CNOT6: variants seen among roughly 807,000 people sequenced by gnomAD.
CNOT6 encodes the protein CCR4-NOT transcription complex subunit 6.
A neutral mutation model predicts 61.2 loss-of-function variants in CNOT6; 12 were observed. The observed-to-expected ratio is 0.20, with a 90% CI of 0.13 to 0.32. The LOEUF (loss-of-function observed/expected upper bound fraction) is 0.32, where lower values mean the gene tolerates loss of function less well. CNOT6 is among the 10% of genes least tolerant of loss of function. CNOT6 has a pLI of 1.00. For synonymous variants in CNOT6, 225 were observed against 240.6 expected, an observed-to-expected ratio of 0.94 and a Z score of 0.60; for missense variants, 405 against 663.9, an observed-to-expected ratio of 0.61 and a Z score of 4.28.
At chr5:180,530,849 ACACAG>A in intron 2 of CNOT6, among the ~76,000 whole-genome samples, 1 of 152,300 alleles carries the variant, frequency 6.6e-6, no homozygotes, top group East Asian at 1.9e-4. Context: ...CCCTGAGTGG[ACACAG>A]CACATGTTTC....
intron 1 of CNOT6, among the ~76,000 whole-genome samples, 172 bp downstream of exon 1, chr5:180,494,935 G>A (rs6866977): frequency 0.75 from 114,013 of 151,738 alleles, 43,460 homozygotes; most frequent in African/African-American, 0.83. Flanking sequence ...CGCCGCGATC[G>A]CGCCCCGCCC....
intron 2 of CNOT6, chr5:180,534,350 G>C: frequency 5.5e-6 from 1 of 181,700 alleles, no homozygotes; most frequent in Non-Finnish European, 1.2e-5. Context: ...CAACATTGTC[G>C]ATAATGGAGG....
intron 4 of CNOT6, among the ~76,000 whole-genome samples, chr5:180,557,296 A>G (rs373354264): frequency 1.3e-5 from 2 of 152,150 alleles, no homozygotes; most frequent in East Asian, 1.9e-4. Context: ...TGAGGGTTGT[A>G]TATTTAATTT....
chr5:180,576,939 G>A lies in CNOT6; in HGVS notation c.*2739G>A, dbSNP rs1383845099. On this transcript the variant is annotated 3_prime_UTR_variant, in exon 12 of 12. Coordinates refer to ENST00000261951, the MANE Select transcript of CNOT6 (RefSeq NM_001370472.1). ...AGAAATGTCTTACAAAAAGTTTAGG[G>A]CATGTTTTCTGTTTTAAAGACCAGA... 1 of 152,060 alleles carries A rather than the reference G, an allele frequency of 6.6e-6. No individual in the cohort carries two copies. Among genetic ancestry groups the A allele is most frequent in the Non-Finnish European group, 1.5e-5 (1 of 68,006 alleles). 9.4% of individuals were successfully genotyped at this position (152,060 alleles called of 1,614,324 possible). A position where few individuals can be genotyped will look rare whatever the true frequency, so the allele number is the denominator to read the frequency against.
At chr5:180,504,038 A>C (rs1028710644) in intron 1 of CNOT6, among the ~76,000 whole-genome samples, 3 of 152,234 alleles carry the variant, frequency 2.0e-5, no homozygotes, top group Non-Finnish European at 4.4e-5. Flanking sequence ...TCATGTTGAC[A>C]TAATAGTACT....
chr5:180,535,988 GTTTTTTTTTTTTT>G (rs756489493), intron 2 of CNOT6, among the ~76,000 whole-genome samples: 9 of 62,496 alleles, frequency 1.4e-4, no homozygotes, highest in African/African-American at 4.8e-4. Flanking sequence ...ACTTATTAGG[GTTTTTTTTTTTTT>G]TTTTTTTTTT....
chr5:180,550,694 A>C (rs539244823), intron 3 of CNOT6, among the ~76,000 whole-genome samples: 25 of 152,266 alleles, frequency 1.6e-4, no homozygotes, highest in African/African-American at 6.0e-4. Context: ...GTAGACTGCA[A>C]GGTGCTTATG....
intron 2 of CNOT6, among the ~76,000 whole-genome samples, chr5:180,542,830 A>G (rs1357170708): frequency 1.3e-5 from 2 of 152,130 alleles, no homozygotes; most frequent in Non-Finnish European, 1.5e-5. Context: ...AAGTAAATGC[A>G]AGTTTTTGGG....
intron 1 of CNOT6, among the ~76,000 whole-genome samples, chr5:180,506,542 T>TGCCC (rs1757137715): frequency 6.6e-6 from 1 of 152,212 alleles, no homozygotes; most frequent in Non-Finnish European, 1.5e-5. Context: ...GGCAGATAGG[T>TGCCC]GCCCAACACA....
chr5:180,502,255 C>T (rs1041719829), intron 1 of CNOT6, among the ~76,000 whole-genome samples: 1 of 151,984 alleles, frequency 6.6e-6, no homozygotes, highest in Non-Finnish European at 1.5e-5. Flanking sequence ...ATTGTTTTGC[C>T]TGCGGAATTT....
chr5:180,538,686 G>GTATATATATATGTATA (rs1554100066), intron 2 of CNOT6, among the ~76,000 whole-genome samples: 92 of 85,122 alleles, frequency 1.1e-3, no homozygotes, highest in East Asian at 9.6e-3. Flanking sequence ...TGAGAAAAAG[G>GTATATATATATGTATA]TATATATATA....
At position 180,513,410 on chromosome 5, in the gene CNOT6, G is replaced by A. The variant is rs117983077; in HGVS notation, c.-2-15865G>A. On this transcript the variant is annotated intron_variant, in intron 1 of 11. Coordinates refer to ENST00000261951, the MANE Select transcript of CNOT6 (RefSeq NM_001370472.1). The stretch of plus-strand genomic sequence containing the variant: ...TTTTGAGACAGAGTCTTGCTCTGTC[G>A]CCCAGCCTGGAGTCTGGCACAATCT... Among the ~76,000 whole-genome samples, 273 of 151,370 alleles carry A rather than the reference G, an allele frequency of 1.8e-3. 7 individuals carry two copies. In the East Asian group the frequency reaches 0.043, roughly 24 times the overall value.
At chr5:180,520,628 G>A (rs1410011502) in intron 1 of CNOT6, among the ~76,000 whole-genome samples, 1 of 151,966 alleles carries the variant, frequency 6.6e-6, no homozygotes, top group African/African-American at 2.4e-5. Flanking sequence ...GCGACAGAGC[G>A]AGACTCCATC....
chr5:180,567,549 T>G (rs1048859453), intron 8 of CNOT6, among the ~76,000 whole-genome samples: 6 of 152,242 alleles, frequency 3.9e-5, no homozygotes, highest in African/African-American at 1.4e-4. Flanking sequence ...ACCCATACTT[T>G]AGAAAAGAAT....
At chr5:180,567,619 T>C (rs1023340777) in intron 8 of CNOT6, among the ~76,000 whole-genome samples, 1 of 152,232 alleles carries the variant, frequency 6.6e-6, no homozygotes, top group Non-Finnish European at 1.5e-5. Context: ...GATGACTACA[T>C]TTTCTTCAGT....
chr5:180,500,993 G>T (rs1308086946), intron 1 of CNOT6, among the ~76,000 whole-genome samples: 1 of 152,066 alleles, frequency 6.6e-6, no homozygotes, highest in Non-Finnish European at 1.5e-5. Flanking sequence ...GGAACAACAT[G>T]GGCTGTGGAG....
At position 180,494,469 on chromosome 5, in the gene CNOT6, G is replaced by A. The variant is rs1397112339; in HGVS notation, c.-297G>A. The A allele has an allele frequency of 1.3e-5, 2 of 155,600 alleles. No homozygotes were observed. Among genetic ancestry groups the A allele is most frequent in the Non-Finnish European group, 2.8e-5 (2 of 70,988 alleles). The allele number at this position is 155,600 out of a possible 1,614,324, so 9.6% of individuals were successfully genotyped here. ...GGAGGCGGCGGCGTCGGTGGCGGCG[G>A]CGACGGCGGCGCGGAGGCGAAGGCA... On this transcript the variant is annotated 5_prime_UTR_variant, in exon 1 of 12. Coordinates refer to ENST00000261951, the MANE Select transcript of CNOT6 (RefSeq NM_001370472.1).
chr5:180,547,871 T>G (rs1478202687), intron 2 of CNOT6, among the ~76,000 whole-genome samples: 1 of 151,954 alleles, frequency 6.6e-6, no homozygotes, highest in Non-Finnish European at 1.5e-5. Context: ...GAAGCTGGGA[T>G]TACAGGCGCC....
At chr5:180,569,503 G>T (rs1760639499) in intron 10 of CNOT6, among the ~76,000 whole-genome samples, 163 bp downstream of exon 10, 1 of 152,172 alleles carries the variant, frequency 6.6e-6, no homozygotes, top group Non-Finnish European at 1.5e-5. Context: ...GGGCCATTTT[G>T]AAGATGAAAC....
Sources: gnomAD v4.1 joint callset for allele counts (sites outside exome capture counted in the v4.1 genomes callset) on GRCh38, gnomAD v4.1.1 for gene constraint, MANE v1.5 for transcripts, NCBI Gene and HGNC (gene_info 2026-07-23, HGNC 2026-07-21) for gene names.